CSMD2: variants seen among roughly 807,000 people sequenced by gnomAD.
CSMD2 encodes CUB and sushi domain-containing protein 2.
Under a neutral mutation model 398.5 loss-of-function variants are expected in CSMD2, and 130 were observed. The observed-to-expected ratio is 0.33, with a 90% CI of 0.28 to 0.38. The LOEUF (loss-of-function observed/expected upper bound fraction) is 0.38. CSMD2 is among the 10% of genes least tolerant of loss of function. The probability of loss-of-function intolerance (pLI) is 1.00; values close to 1 mark genes in which losing one functional copy is unlikely to be tolerated. For missense variants in CSMD2, 3,829 were observed against 4,764.9 expected, an observed-to-expected ratio of 0.80 and a Z score of 5.78; for synonymous variants, 1,828 against 1,908.5, an observed-to-expected ratio of 0.96 and a Z score of 1.10.
intron 2 of CSMD2, among the ~76,000 whole-genome samples, chr1:34,070,951 GT>G (rs1655674427): frequency 6.6e-6 from 1 of 152,192 alleles, no homozygotes; most frequent in South Asian, 2.1e-4. Context: ...GGGAGAAGTT[GT>G]ATGCAGCTCT....
At chr1:33,869,928 G>C (rs1487877645) in intron 5 of CSMD2, among the ~76,000 whole-genome samples, 1 of 152,158 alleles carries the variant, frequency 6.6e-6, no homozygotes, top group Non-Finnish European at 1.5e-5. Context: ...ACTTGAGAGG[G>C]GAATAAGTAT....
At chr1:34,017,874 G>A (rs908901527) in intron 3 of CSMD2, among the ~76,000 whole-genome samples, 2 of 152,146 alleles carry the variant, frequency 1.3e-5, no homozygotes, top group African/African-American at 4.8e-5. Flanking sequence ...TGTGACATTT[G>A]ATTCATGTTA....
chr1:34,087,413 T>C (rs1240518150), intron 2 of CSMD2, among the ~76,000 whole-genome samples: 1 of 150,684 alleles, frequency 6.6e-6, no homozygotes, highest in African/African-American at 2.4e-5. Context: ...TAAGTGGGAG[T>C]TGAACAATGA....
chr1:33,673,856 A>G (rs1191159759), intron 25 of CSMD2, among the ~76,000 whole-genome samples: 2 of 152,242 alleles, frequency 1.3e-5, no homozygotes, highest in African/African-American at 2.4e-5. Flanking sequence ...ATATCCAGCC[A>G]AACTAGCTTC....
At chr1:33,998,166 C>T (rs1197181322) in intron 3 of CSMD2, among the ~76,000 whole-genome samples, 3 of 152,092 alleles carry the variant, frequency 2.0e-5, no homozygotes, top group African/African-American at 4.8e-5. Flanking sequence ...GGGAAAGGAA[C>T]TGGTGGCTTT....
chr1:33,791,971 C>T (rs78064965), intron 11 of CSMD2, among the ~76,000 whole-genome samples: 3,301 of 152,258 alleles, frequency 0.022, 106 homozygotes, highest in African/African-American at 0.074. Flanking sequence ...CTATATGGTC[C>T]TGATTCTCTG....
intron 9 of CSMD2, 149 bp from the exon 10 acceptor site, chr1:33,811,013 C>T (rs912170912): frequency 6.2e-6 from 5 of 808,760 alleles, no homozygotes; most frequent in Admixed American, 3.4e-5. Context: ...CTCTACAGTT[C>T]TTGGGAGGCT....
In CSMD2 at chr1:33,698,925, A is replaced by G. The variant is rs1231177189; in HGVS notation, c.3753T>C (p.Cys1251=). The G allele has an allele frequency of 6.2e-7, 1 of 1,613,840 alleles. No individual in the cohort carries two copies. The highest frequency in any genetic ancestry group is 1.7e-5 in the Admixed American group (1 of 59,990). Residue 1251 remains cysteine, a synonymous_variant, in exon 24 of 71, where the codon TGT becomes TGC. Transcript: ENST00000373381. ...LHFSSFELIK[C]EDPGTPKFGY... ...CAAACTTGGGGGTTCCTGGGTCCTC[A>G]CATTTGATGAGTTCAAAGCCTGGTG...
chr1:33,631,126 A>C (rs928191200), intron 32 of CSMD2, among the ~76,000 whole-genome samples: 7 of 152,082 alleles, frequency 4.6e-5, no homozygotes, highest in Admixed American at 1.3e-4. Flanking sequence ...ATTAAAAAAA[A>C]CCCACAAAAA....
chr1:33,954,002 A>G (rs1645086093), intron 3 of CSMD2, among the ~76,000 whole-genome samples: 1 of 152,110 alleles, frequency 6.6e-6, no homozygotes, highest in South Asian at 2.1e-4. Flanking sequence ...TACCTCGAGC[A>G]AGTCCTTTCC....
intron 2 of CSMD2, among the ~76,000 whole-genome samples, chr1:34,053,750 C>G (rs1653497131): frequency 6.6e-6 from 1 of 152,126 alleles, no homozygotes; most frequent in Non-Finnish European, 1.5e-5. Context: ...AAAAGAGTTA[C>G]TGGGTGGGAA....
At chr1:33,656,458 C>T (rs533063686) in intron 27 of CSMD2, among the ~76,000 whole-genome samples, 2 of 152,210 alleles carry the variant, frequency 1.3e-5, no homozygotes, top group East Asian at 1.9e-4. Flanking sequence ...CTATGCGGCT[C>T]CTAATTCCCA....
chr1:33,790,900 T>C (rs78443742), intron 11 of CSMD2, among the ~76,000 whole-genome samples: 3,118 of 152,320 alleles, frequency 0.02, 47 homozygotes, highest in Non-Finnish European at 0.028. Context: ...GAACCCTCAC[T>C]AATACAGTGA....
At chr1:34,018,725 T>C (rs774760348) in intron 3 of CSMD2, among the ~76,000 whole-genome samples, 4 of 152,286 alleles carry the variant, frequency 2.6e-5, no homozygotes, top group Non-Finnish European at 5.9e-5. Context: ...TACCACTTTG[T>C]ATGGGTTCAT....
chr1:33,920,022 A>G lies in CSMD2; in HGVS notation c.713-1721T>C, dbSNP rs141693997. Among the ~76,000 whole-genome samples, 503 of 152,266 alleles carry G rather than the reference A, an allele frequency of 3.3e-3. 2 individuals are homozygous for G. Among genetic ancestry groups the G allele is most frequent in the African/African-American group, 0.011 (476 of 41,554 alleles). On this transcript the variant is annotated intron_variant, in intron 4 of 70. Coordinates refer to ENST00000373381, the MANE Select transcript of CSMD2 (RefSeq NM_001281956.2). ...GTAAATGAGCTGGTAAGTGCAGAGG[A>G]AAATGGGCTATCTGGTGTTGGGAGT...
At chr1:33,937,284 G>A (rs1425838855) in intron 3 of CSMD2, among the ~76,000 whole-genome samples, 1 of 152,176 alleles carries the variant, frequency 6.6e-6, no homozygotes, top group Non-Finnish European at 1.5e-5. Flanking sequence ...AACCCAGCTG[G>A]GGGAGAGGTC....
chr1:34,100,530 A>G (rs540169342), intron 1 of CSMD2, among the ~76,000 whole-genome samples: 22 of 152,154 alleles, frequency 1.4e-4, no homozygotes, highest in Non-Finnish European at 4.4e-5. Context: ...CCATGGATGT[A>G]TCTCAATTTA....
At chr1:33,737,758 A>G (rs1203161569) in intron 15 of CSMD2, among the ~76,000 whole-genome samples, 2 of 152,174 alleles carry the variant, frequency 1.3e-5, no homozygotes, top group Non-Finnish European at 2.9e-5. Context: ...GTATTGATTG[A>G]GCATCTACCA....
intron 32 of CSMD2, among the ~76,000 whole-genome samples, chr1:33,629,743 GTTTTT>G (rs57420148): frequency 6.8e-6 from 1 of 146,940 alleles, no homozygotes; most frequent in African/African-American, 2.5e-5. Flanking sequence ...ATATCTACAG[GTTTTT>G]TTTTTTTCTT....
Sources: allele counts gnomAD v4.1 joint callset (sites outside exome capture counted in the v4.1 genomes callset), GRCh38; gene constraint gnomAD v4.1.1; transcripts MANE v1.5; gene names NCBI Gene and HGNC (gene_info 2026-07-23, HGNC 2026-07-21).